The following FBXO17 variants were observed in gnomAD, a reference collection of about 807,000 sequenced individuals.
FBXO17 encodes F-box protein 17.
Under a neutral mutation model 34.1 loss-of-function variants are expected in FBXO17, and 43 were observed. The observed-to-expected ratio is 1.26, with a 90% CI of 0.99 to 1.62. The LOEUF (loss-of-function observed/expected upper bound fraction) is 1.62. FBXO17 is among the 40% of genes most tolerant of loss of function. The probability of loss-of-function intolerance (pLI) is 0.00; values close to 1 mark genes in which losing one functional copy is unlikely to be tolerated. For synonymous variants in FBXO17, 169 were observed against 166.0 expected, an observed-to-expected ratio of 1.02 and a Z score of -0.14; for missense variants, 424 against 386.7, an observed-to-expected ratio of 1.10 and a Z score of -0.81.
intron 1 of FBXO17, among the ~76,000 whole-genome samples, chr19:38,954,884 C>G (rs11669212): frequency 0.64 from 93,177 of 145,660 alleles, 30,603 homozygotes; most frequent in East Asian, 0.89. Flanking sequence ...CCTGCCCTGA[C>G]AATGTGTTAT....
At chr19:38,946,621 C>G (rs1319371064) in intron 3 of FBXO17, 54 bp from the exon 4 acceptor site, 4 of 1,494,482 alleles carry the variant, frequency 2.7e-6, no homozygotes, top group Non-Finnish European at 3.5e-6. Flanking sequence ...ATTCAAGTCA[C>G]AGTCAGAAGC....
intron 1 of FBXO17, among the ~76,000 whole-genome samples, chr19:38,954,907 A>ATTG (rs1975143568): frequency 3.6e-5 from 2 of 55,604 alleles, no homozygotes; most frequent in South Asian, 1.5e-3. Context: ...TATTATTATT[A>ATTG]TTATTATTAT....
intron 4 of FBXO17, 136 bp downstream of exon 4, chr19:38,946,336 C>T: frequency 7.2e-7 from 1 of 1,397,948 alleles, no homozygotes; most frequent in Non-Finnish European, 9.6e-7. Flanking sequence ...CATCACTTCC[C>T]CTCTCAGCCT....
In FBXO17 at chr19:38,942,292, C is replaced by G; in HGVS notation, c.*316G>C. ...TTTTTTTTTTTCATTGATATAGGGT[C>G]TTGCTTTCTCACCCAGGCTGGAGTG... On this transcript the variant is annotated 3_prime_UTR_variant, in exon 6 of 6. Transcript: ENST00000292852. 1 of 146,786 alleles carries G rather than the reference C, an allele frequency of 6.8e-6. No individual in the cohort carries two copies. Among genetic ancestry groups the G allele is most frequent in the Middle Eastern group, 3.3e-3 (1 of 302 alleles). The allele number at this position is 146,786 out of a possible 1,614,324, so 9.1% of individuals were successfully genotyped here.
chr19:38,952,704 C>T (rs769399884), intron 1 of FBXO17: 37 of 516,802 alleles, frequency 7.2e-5, no homozygotes, highest in Non-Finnish European at 1.2e-4. Context: ...ATAGTTCTTC[C>T]GCAGCCCCAA....
chr19:38,951,079 C>T lies in FBXO17; in HGVS notation c.-17-743G>A, dbSNP rs1461159141. 3.3e-5 allele frequency among the ~76,000 whole-genome samples: 5 copies of T among 152,176 alleles called. No homozygotes were observed. In the East Asian group the frequency reaches 5.8e-4, roughly 18 times the overall value. The stretch of plus-strand genomic sequence containing the variant: ...TGCTGGGATTACAGGTGTGAGCCAC[C>T]ACGCCCAGCCTGTTTTTTCAAAGAT... On this transcript the variant is annotated intron_variant, in intron 1 of 5. Transcript: ENST00000292852.
At chr19:38,963,876 C>T (rs1287760284) in intron 1 of FBXO17, among the ~76,000 whole-genome samples, 2 of 151,814 alleles carry the variant, frequency 1.3e-5, no homozygotes, top group African/African-American at 4.8e-5. Flanking sequence ...ATCCACCTCC[C>T]GGGTTCAAGC....
At chr19:38,944,755 C>A in intron 5 of FBXO17, 1 of 646,882 alleles carries the variant, frequency 1.5e-6, no homozygotes, top group Non-Finnish European at 2.6e-6. Flanking sequence ...GGTGCTCAAT[C>A]AGTGTTTGTT....
At chr19:38,963,778 T>A (rs1975284689) in intron 1 of FBXO17, among the ~76,000 whole-genome samples, 1 of 147,218 alleles carries the variant, frequency 6.8e-6, no homozygotes, top group Non-Finnish European at 1.5e-5. Context: ...TGTGGACATA[T>A]GTTTTCTTTG....
At chr19:38,959,401 C>T (rs148690301) in intron 1 of FBXO17, among the ~76,000 whole-genome samples, 1,801 of 151,404 alleles carry the variant, frequency 0.012, 12 homozygotes, top group Non-Finnish European at 0.02. Flanking sequence ...GCCTCAGCCT[C>T]CAGAGTAGCT....
Position 38,975,004 on chromosome 19 carries a change from T to TG in FBXO17, c.-18+581dup, listed in dbSNP as rs1975441840. On this transcript the variant is annotated intron_variant, in intron 1 of 5. Coordinates refer to ENST00000292852, the MANE Select transcript of FBXO17 (RefSeq NM_024907.7). This position sits in a 1 kb window ranked among gnomAD's most constrained non-coding sequence, Gnocchi z 4.9. ...GGAGTAAATAGACGCTGTCTAAAGTTGAAGAGGCAGTATACAGAGCTTTCG... is the reference window on the plus strand; with the variant it reads ...GGAGTAAATAGACGCTGTCTAAAGTTGGAAGAGGCAGTATACAGAGCTTTCG... 2.0e-5 allele frequency among the ~76,000 whole-genome samples: 3 copies of TG among 152,320 alleles called. No individual in the cohort carries two copies. In the South Asian group the frequency reaches 6.2e-4, roughly 32 times the overall value.
At chr19:38,953,231 CG>C (rs1257000475) in intron 1 of FBXO17, among the ~76,000 whole-genome samples, 12 of 151,914 alleles carry the variant, frequency 7.9e-5, no homozygotes, top group Non-Finnish European at 1.3e-4. Flanking sequence ...CGCTGGAGCC[CG>C]GGAGTTGGAG....
chr19:38,949,658 C>G (rs903622444), intron 2 of FBXO17: 2 of 501,850 alleles, frequency 4.0e-6, no homozygotes, highest in Non-Finnish European at 6.9e-6. Flanking sequence ...CCTCCCAAAG[C>G]GTTGCCATTC....
intron 1 of FBXO17, among the ~76,000 whole-genome samples, chr19:38,963,974 G>A (rs2116851): frequency 0.28 from 43,210 of 151,774 alleles, 6,716 homozygotes; most frequent in South Asian, 0.46. Context: ...AGTAGAGACA[G>A]GGTTTCACCA....
chr19:38,944,901 G>A (rs1166125733), intron 5 of FBXO17, 68 bp downstream of exon 5: 1 of 1,587,034 alleles, frequency 6.3e-7, no homozygotes, highest in Non-Finnish European at 8.6e-7. Context: ...GGGAAACCGA[G>A]CAGACGAGAG....
intron 1 of FBXO17, among the ~76,000 whole-genome samples, chr19:38,974,907 T>C (rs1473280629): frequency 6.6e-6 from 1 of 152,162 alleles, no homozygotes; most frequent in Non-Finnish European, 1.5e-5. Flanking sequence ...TGTCGTGTAT[T>C]ACTGGAACAT....
At chr19:38,952,846 A>G (rs1028036087) in intron 1 of FBXO17, 6 of 456,386 alleles carry the variant, frequency 1.3e-5, no homozygotes, top group Non-Finnish European at 2.6e-5. Context: ...CTCTCCACCC[A>G]TCACTTTTTC....
Position 38,942,460 on chromosome 19 carries a change from C to G in FBXO17, c.*148G>C, listed in dbSNP as rs1974902878. On this transcript the variant is annotated 3_prime_UTR_variant, in exon 6 of 6. Transcript: ENST00000292852. The stretch of plus-strand genomic sequence containing the variant: ...AAAATTATTTGTGGAGACGGTTTCA[C>G]TATGTTGCCCAGGCTGGTCTTGAAC... 1.3e-6 allele frequency: 1 copy of G among 757,378 alleles called. No individual in the cohort carries two copies. The highest frequency in any genetic ancestry group is 1.9e-5 in the African/African-American group (1 of 53,878). The allele number at this position is 757,378 out of a possible 1,614,324, so 46.9% of individuals were successfully genotyped here. A position where few individuals can be genotyped will look rare whatever the true frequency, so the allele number is the denominator to read the frequency against.
rs756635089 is a variant in FBXO17, at chr19:38,948,612, G to A, written c.416C>T (p.Pro139Leu). The A allele has an allele frequency of 1.7e-5, 27 of 1,614,010 alleles. No individual in the cohort carries two copies. The highest frequency in any genetic ancestry group is 2.7e-5 in the African/African-American group (2 of 74,916). ...NGWAIEKNLT[P>L]VPGAPSQTCF... ...GGTCTGCGAAGGAGCCCCAGGCACC[G>A]GTGTTAGGTTCTTTTCTATGGCCCA... Residue 139 changes from proline to leucine, a missense_variant, in exon 3 of 6, where the codon CCG becomes CTG. Physicochemically the swap from Pro to Leu is moderately conservative, Grantham distance 98. Transcript: ENST00000292852.
Sources: gnomAD v4.1 joint callset for allele counts (sites outside exome capture counted in the v4.1 genomes callset) on GRCh38, gnomAD v4.1.1 for gene constraint, Gnocchi (gnomAD v3.1) non-coding constraint, MANE v1.5 for transcripts, NCBI Gene and HGNC (gene_info 2026-07-23, HGNC 2026-07-21) for gene names.